The following SLA variants were observed in gnomAD, a reference collection of about 807,000 sequenced individuals.
SLA encodes src-like-adapter.
SLA carries 16 observed loss-of-function variants against 30.3 expected under a neutral mutation model. That is an observed-to-expected ratio of 0.53 (90% confidence interval 0.36 to 0.80). SLA has a LOEUF of 0.80. Among genes scored for constraint, SLA ranks in the 30% least tolerant of loss-of-function variants. The pLI, the probability that SLA is intolerant of heterozygous loss-of-function variation, is 0.01. For missense variants in SLA, 310 were observed against 345.2 expected, an observed-to-expected ratio of 0.90 and a Z score of 0.81; for synonymous variants, 143 against 137.8, an observed-to-expected ratio of 1.04 and a Z score of -0.26.
intron 1 of SLA, chr8:133,089,903 T>C (rs1847224658): frequency 6.6e-6 from 1 of 152,210 alleles, no homozygotes; most frequent in Admixed American, 6.5e-5. Flanking sequence ...GATGATTCTC[T>C]GCAGCTTCTT....
chr8:133,082,486 G>A (rs142169109), intron 1 of SLA, among the ~76,000 whole-genome samples: 2 of 152,316 alleles, frequency 1.3e-5, no homozygotes, highest in African/African-American at 4.8e-5. Context: ...CATAGAAGGA[G>A]CTCACAGATG....
chr8:133,066,030 G>C (rs113964084), intron 2 of SLA, among the ~76,000 whole-genome samples: 1 of 152,048 alleles, frequency 6.6e-6, no homozygotes, highest in African/African-American at 2.4e-5. Flanking sequence ...GGAGTGAATC[G>C]CAAGGAATGT....
At chr8:133,054,296 G>A (rs1043714358) in intron 3 of SLA, among the ~76,000 whole-genome samples, 1 of 152,184 alleles carries the variant, frequency 6.6e-6, no homozygotes, top group African/African-American at 2.4e-5. Context: ...AACAAATTAA[G>A]TGAAGACATA....
At chr8:133,061,146 G>T (rs1842318139) in intron 2 of SLA, among the ~76,000 whole-genome samples, 1 of 152,192 alleles carries the variant, frequency 6.6e-6, no homozygotes, top group Non-Finnish European at 1.5e-5. Flanking sequence ...AAGTAGCTGG[G>T]ATTACAGGCA....
At chr8:133,058,212 C>T (rs545637046) in intron 3 of SLA, among the ~76,000 whole-genome samples, 5 of 152,274 alleles carry the variant, frequency 3.3e-5, no homozygotes, top group East Asian at 3.9e-4. Context: ...GAGGAAACAA[C>T]GTTAGGACCA....
intron 3 of SLA, among the ~76,000 whole-genome samples, chr8:133,057,650 C>T (rs1587923615): frequency 6.6e-6 from 1 of 152,126 alleles, no homozygotes; most frequent in East Asian, 1.9e-4. Flanking sequence ...TGAGGGCCTT[C>T]TGCCTCTGAA....
At chr8:133,079,583 A>T (rs1010699027) in intron 1 of SLA, among the ~76,000 whole-genome samples, 3 of 152,184 alleles carry the variant, frequency 2.0e-5, no homozygotes, top group Non-Finnish European at 4.4e-5. Context: ...AAGGCAATTC[A>T]GCATCATGCG....
intron 1 of SLA, chr8:133,090,027 C>T (rs946705831): frequency 6.6e-6 from 1 of 152,202 alleles, no homozygotes; most frequent in Non-Finnish European, 1.5e-5. Context: ...GTCACCAGTA[C>T]ATATGTCCTG....
At chr8:133,086,471 C>T (rs971931791) in intron 1 of SLA, among the ~76,000 whole-genome samples, 2 of 152,074 alleles carry the variant, frequency 1.3e-5, no homozygotes, top group African/African-American at 2.4e-5. Flanking sequence ...TACGGATGTT[C>T]ATGTGGCACC....
chr8:133,098,443 G>A (rs1178887925), intron 1 of SLA, among the ~76,000 whole-genome samples: 2 of 152,140 alleles, frequency 1.3e-5, no homozygotes, highest in Non-Finnish European at 2.9e-5. Context: ...CTGAGGCATG[G>A]GCAGACTGGG....
intron 1 of SLA, chr8:133,096,207 T>C: frequency 6.2e-7 from 1 of 1,614,246 alleles, no homozygotes. Flanking sequence ...CCAATGCAGC[T>C]CCTGGCCGTG....
intron 1 of SLA, among the ~76,000 whole-genome samples, chr8:133,084,229 A>G (rs952573807): frequency 6.6e-6 from 1 of 152,212 alleles, no homozygotes; most frequent in Non-Finnish European, 1.5e-5. Flanking sequence ...AAATAGAAAA[A>G]GACTTTGCCT....
chr8:133,089,151 C>T (rs1472803031), intron 1 of SLA, among the ~76,000 whole-genome samples: 2 of 152,170 alleles, frequency 1.3e-5, no homozygotes, highest in East Asian at 1.9e-4. Context: ...TTACAAGTCA[C>T]CGATGGGCTC....
Position 133,049,835 on chromosome 8 carries a change from G to A in SLA, c.248+67C>T. 4.8e-6 allele frequency: 5 copies of A among 1,047,118 alleles called. No homozygotes were observed. In the South Asian group the frequency reaches 6.3e-5, roughly 13 times the overall value. 64.9% of individuals were successfully genotyped at this position (1,047,118 alleles called of 1,614,324 possible). On this transcript the variant is annotated intron_variant, in intron 5 of 8. Transcript: ENST00000338087. ...TACCACTATGAATGCTGGAATCTTT[G>A]TTCCACCTTATGAGTCACCAGCATA...
intron 1 of SLA, among the ~76,000 whole-genome samples, chr8:133,087,038 C>T (rs1846672491): frequency 6.7e-6 from 1 of 150,242 alleles, no homozygotes; most frequent in Non-Finnish European, 1.5e-5. Context: ...GGCTCAAAAA[C>T]AATATGCTGT....
At chr8:133,055,824 CCAGCAGCAGCAGCAGCAGCAGCAGCAG>C (rs36210010) in intron 3 of SLA, among the ~76,000 whole-genome samples, 7 of 150,822 alleles carry the variant, frequency 4.6e-5, no homozygotes, top group African/African-American at 1.2e-4. Context: ...CTCCTCATCA[CCAGCAGCAGCAGCAGCAGCAGCAGCAG>C]CAGCAGCAGC....
At chr8:133,100,143 A>G (rs1849023576) in intron 1 of SLA, among the ~76,000 whole-genome samples, 1 of 152,182 alleles carries the variant, frequency 6.6e-6, no homozygotes, top group South Asian at 2.1e-4. Context: ...GAGTTTCTCA[A>G]ATAGGCTGAG....
chr8:133,096,713 C>T (rs1848470045), intron 1 of SLA, among the ~76,000 whole-genome samples: 1 of 152,198 alleles, frequency 6.6e-6, no homozygotes. Flanking sequence ...GTACTGAGAA[C>T]TGAGAGATGA....
intron 1 of SLA, among the ~76,000 whole-genome samples, chr8:133,083,053 G>A (rs1233166340): frequency 6.6e-6 from 1 of 152,192 alleles, no homozygotes; most frequent in Admixed American, 6.5e-5. Flanking sequence ...TGAGTAGGCA[G>A]GCCTAGTTGC....
Sources: allele counts gnomAD v4.1 joint callset (sites outside exome capture counted in the v4.1 genomes callset), GRCh38; gene constraint gnomAD v4.1.1; transcripts MANE v1.5; gene names NCBI Gene and HGNC (gene_info 2026-07-23, HGNC 2026-07-21).